Variants in VWA3B observed in about 807,000 individuals in gnomAD.
VWA3B encodes the protein von Willebrand factor A domain-containing protein 3B.
In VWA3B, 138 loss-of-function variants were observed where a neutral mutation model predicts 158.3. The observed-to-expected ratio is 0.87, with a 90% CI of 0.76 to 1.00. The LOEUF (loss-of-function observed/expected upper bound fraction) is 1.00. VWA3B is among the 50% of genes least tolerant of loss of function. The pLI, the probability that VWA3B is intolerant of heterozygous loss-of-function variation, is 0.00. For missense variants in VWA3B, 1,555 were observed against 1,565.1 expected (o/e 0.99, Z 0.11); for synonymous variants, 596 against 587.3 (o/e 1.01, Z -0.21).
At chr2:98,242,470 T>G (rs1188507974) in intron 19 of VWA3B, among the ~76,000 whole-genome samples, 1 of 152,078 alleles carries the variant, frequency 6.6e-6, no homozygotes, top group Non-Finnish European at 1.5e-5. Flanking sequence ...ATTTGCTGGT[T>G]GATTTGAAAA....
chr2:98,249,620 G>A (rs576440183), intron 19 of VWA3B, among the ~76,000 whole-genome samples: 6 of 152,054 alleles, frequency 3.9e-5, no homozygotes, highest in Non-Finnish European at 7.4e-5. Flanking sequence ...TTTTCCCCCC[G>A]GAGCTGCTTG....
chr2:98,217,776 A>C, intron 13 of VWA3B, 70 bp from the exon 14 acceptor site: 9 of 1,408,512 alleles, frequency 6.4e-6, no homozygotes, highest in Non-Finnish European at 8.5e-6. Flanking sequence ...AATACTAAGG[A>C]TTTTCATATT....
chr2:98,230,010 C>T (rs1240952620), intron 15 of VWA3B, 40 bp from the exon 16 acceptor site: 4 of 1,528,500 alleles, frequency 2.6e-6, no homozygotes, highest in African/African-American at 1.4e-5. Flanking sequence ...TTTCTTTTCT[C>T]TCTCTTTTTT....
rs1186424289 is a variant in VWA3B at position 98,236,795 on chromosome 2, G to C, written c.2673+65G>C. 3.2e-6 allele frequency: 5 copies of C among 1,543,624 alleles called. No individual in the cohort carries two copies. In the South Asian group the frequency reaches 4.9e-5, roughly 15 times the overall value. Reference sequence around the variant, plus strand: ...TCATTTTCTGCTCAAATAAAAAGTAGTCCAATTTCTTGTGTGGTTGTAACA... The same window carrying C: ...TCATTTTCTGCTCAAATAAAAAGTACTCCAATTTCTTGTGTGGTTGTAACA... On this transcript the variant is annotated intron_variant, in intron 19 of 27. Coordinates refer to ENST00000477737, the MANE Select transcript of VWA3B (RefSeq NM_144992.5).
intron 19 of VWA3B, among the ~76,000 whole-genome samples, chr2:98,246,455 G>A (rs138502602): frequency 0.039 from 5,916 of 152,122 alleles, 172 homozygotes; most frequent in Middle Eastern, 0.075. Context: ...TCGGCTCACT[G>A]CAACCTCCAA....
At chr2:98,245,612 C>CT (rs1276339652) in intron 19 of VWA3B, 2 of 456,710 alleles carry the variant, frequency 4.4e-6, no homozygotes, top group Non-Finnish European at 8.8e-6. Context: ...AAGTAGAACA[C>CT]TAAGCAGTGG....
At chr2:98,205,705 A>G (rs1326892547) in intron 12 of VWA3B, among the ~76,000 whole-genome samples, 1 of 152,194 alleles carries the variant, frequency 6.6e-6, no homozygotes, top group African/African-American at 2.4e-5. Context: ...ACATCCCACA[A>G]ATTTTAAACA....
chr2:98,131,056 TC>T (rs1675832123), intron 6 of VWA3B, among the ~76,000 whole-genome samples: 1 of 152,174 alleles, frequency 6.6e-6, no homozygotes, highest in Non-Finnish European at 1.5e-5. Flanking sequence ...ACCTACTCCT[TC>T]TATCTCACTG....
chr2:98,134,212 G>A (rs1475113755), intron 7 of VWA3B, among the ~76,000 whole-genome samples: 2 of 152,188 alleles, frequency 1.3e-5, no homozygotes, highest in African/African-American at 4.8e-5. Flanking sequence ...TGTCAATGCC[G>A]GAGTTAGTTC....
At chr2:98,256,198 A>ATT in intron 21 of VWA3B, 24 bp downstream of exon 21, 2 of 1,481,194 alleles carry the variant, frequency 1.4e-6, no homozygotes, top group Non-Finnish European at 1.8e-6. Flanking sequence ...TTCCCTCCTC[A>ATT]CTTTTTTTTT....
At chr2:98,229,415 G>T (rs758636306) in intron 15 of VWA3B, among the ~76,000 whole-genome samples, 1 of 152,220 alleles carries the variant, frequency 6.6e-6, no homozygotes, top group Admixed American at 6.5e-5. Context: ...GAGGGCACAC[G>T]TCACAGTGTT....
chr2:98,180,835 G>T (rs1374601860), intron 8 of VWA3B, among the ~76,000 whole-genome samples, 181 bp from the exon 9 acceptor site: 1 of 152,322 alleles, frequency 6.6e-6, no homozygotes, highest in African/African-American at 2.4e-5. Context: ...AGTAGTCGTG[G>T]TTTTTGCCAT....
intron 5 of VWA3B, chr2:98,121,863 G>A (rs1039761981): frequency 6.0e-6 from 1 of 167,226 alleles, no homozygotes; most frequent in Non-Finnish European, 1.3e-5. Context: ...GAGGAGGAGA[G>A]AGAGATTGGA....
intron 7 of VWA3B, among the ~76,000 whole-genome samples, chr2:98,148,554 C>T (rs1430322506): frequency 6.6e-6 from 1 of 152,122 alleles, no homozygotes; most frequent in African/African-American, 2.4e-5. Flanking sequence ...TCTATAAATC[C>T]TGCAGTTCCT....
At chr2:98,153,289 A>G (rs1301934238) in intron 7 of VWA3B, among the ~76,000 whole-genome samples, 1 of 152,218 alleles carries the variant, frequency 6.6e-6, no homozygotes, top group Admixed American at 6.5e-5. Flanking sequence ...TGTTTTTCTG[A>G]GAGTAGTTTT....
At chr2:98,128,193 C>A in intron 5 of VWA3B, 46 bp from the exon 6 acceptor site, 1 of 1,605,408 alleles carries the variant, frequency 6.2e-7, no homozygotes, top group South Asian at 1.1e-5. Flanking sequence ...TAGTACCAAG[C>A]TAGGGCATGT....
intron 26 of VWA3B, among the ~76,000 whole-genome samples, chr2:98,308,637 A>G (rs1057231934): frequency 2.0e-5 from 3 of 152,192 alleles, no homozygotes; most frequent in African/African-American, 7.2e-5. Flanking sequence ...GCCTCTGGCC[A>G]GGGCAGGGGG....
intron 21 of VWA3B, among the ~76,000 whole-genome samples, chr2:98,267,258 G>A (rs201376434): frequency 2.0e-5 from 3 of 151,360 alleles, no homozygotes; most frequent in African/African-American, 4.9e-5. Flanking sequence ...TAGCATGAAG[G>A]GTTGTTGAAT....
Position 98,128,337 on chromosome 2 carries a change from A to C in VWA3B, c.801A>C (p.Thr267=). ...RALEIPCPVY[T]VSFNARGEGT... is the part of the protein sequence containing the mutation. ...TGGAGATCCCGTGTCCAGTCTACAC[A>C]GTGTCCTTCAACGCCAGAGGAGAAG... is the stretch of plus-strand genomic sequence containing the variant. The change falls in exon 6 of 28, where the codon ACA becomes ACC. Residue 267 remains threonine, a synonymous_variant. Transcript: ENST00000477737. 1.2e-6 allele frequency: 2 copies of C among 1,614,140 alleles called. No homozygotes were observed. Among genetic ancestry groups the C allele is most frequent in the Non-Finnish European group, 1.7e-6 (2 of 1,180,018 alleles).
Sources: allele counts gnomAD v4.1 joint callset (sites outside exome capture counted in the v4.1 genomes callset), GRCh38; gene constraint gnomAD v4.1.1; transcripts MANE v1.5; gene names NCBI Gene and HGNC (gene_info 2026-07-23, HGNC 2026-07-21).